The following TRPC3 variants were observed in gnomAD, a reference collection of about 807,000 sequenced individuals.
TRPC3 encodes the protein short transient receptor potential channel 3.
TRPC3 carries 54 observed loss-of-function variants against 90.9 expected under a neutral mutation model. That is an observed-to-expected ratio of 0.59 (90% CI 0.48 to 0.75). TRPC3 has a LOEUF of 0.75. TRPC3 is among the 30% of genes least tolerant of loss of function. The pLI is 0.00. For synonymous variants in TRPC3, 424 were observed against 450.9 expected (o/e 0.94, Z 0.75); for missense variants, 918 against 1,194.5 (o/e 0.77, Z 3.41).
intron 10 of TRPC3, among the ~76,000 whole-genome samples, chr4:121,886,851 G>C (rs1728141122): frequency 6.6e-6 from 1 of 152,158 alleles, no homozygotes; most frequent in South Asian, 2.1e-4. Flanking sequence ...TCTGGGCCAA[G>C]TTTAAGGACT....
intron 10 of TRPC3, among the ~76,000 whole-genome samples, chr4:121,883,505 C>T (rs1435060741): frequency 2.6e-5 from 4 of 151,920 alleles, no homozygotes; most frequent in Non-Finnish European, 4.4e-5. Flanking sequence ...GAAATGGAAA[C>T]GTGAAGGGTC....
chr4:121,922,782 A>G (rs901747689), intron 3 of TRPC3, among the ~76,000 whole-genome samples: 20 of 152,352 alleles, frequency 1.3e-4, no homozygotes, highest in Middle Eastern at 6.8e-3. Flanking sequence ...TTTACTATCA[A>G]TCTTGCTCAA....
At chr4:121,943,167 C>A (rs1292377908) in intron 1 of TRPC3, among the ~76,000 whole-genome samples, 1 of 137,156 alleles carries the variant, frequency 7.3e-6, no homozygotes, top group East Asian at 2.2e-4. Flanking sequence ...TCACTGAAGA[C>A]CTAAGGAACA....
intron 1 of TRPC3, among the ~76,000 whole-genome samples, chr4:121,943,645 G>T (rs1409392028): frequency 6.6e-6 from 1 of 152,000 alleles, no homozygotes; most frequent in Non-Finnish European, 1.5e-5. Flanking sequence ...CAGACAAAAT[G>T]ACCATAGATA....
At chr4:121,895,698 C>T (rs72919940) in intron 10 of TRPC3, among the ~76,000 whole-genome samples, 1 of 151,846 alleles carries the variant, frequency 6.6e-6, no homozygotes, top group Non-Finnish European at 1.5e-5. Context: ...GTGCATAAAA[C>T]ATCTCCCAAA....
chr4:121,921,014 T>TC (rs1729482349), intron 3 of TRPC3, among the ~76,000 whole-genome samples: 1 of 152,238 alleles, frequency 6.6e-6, no homozygotes, highest in Non-Finnish European at 1.5e-5. Context: ...GAAAGTCCTT[T>TC]CCAACATAAA....
Position 121,951,812 on chromosome 4 carries a change from A to G in TRPC3, c.-132T>C. 1.5e-6 allele frequency: 1 copy of G among 663,456 alleles called. No individual in the cohort carries two copies. Among genetic ancestry groups the G allele is most frequent in the Middle Eastern group, 4.8e-4 (1 of 2,076 alleles). The allele number at this position is 663,456 out of a possible 1,614,324, so 41.1% of individuals were successfully genotyped here. On this transcript the variant is annotated 5_prime_UTR_variant, in exon 1 of 12. Coordinates refer to ENST00000379645, the MANE Select transcript of TRPC3 (RefSeq NM_001130698.2). This position sits in a 1 kb window ranked among gnomAD's most constrained non-coding sequence, Gnocchi z 4.4. ...GGGGCCCCGGGCGGCCCAGGGCGGGAAGGCAGGAGCGGAGAGCGTCGCGGC... is the reference window on the plus strand; with the variant it reads ...GGGGCCCCGGGCGGCCCAGGGCGGGGAGGCAGGAGCGGAGAGCGTCGCGGC...
At chr4:121,910,592 C>T (rs908881245) in intron 5 of TRPC3, among the ~76,000 whole-genome samples, 12 of 152,120 alleles carry the variant, frequency 7.9e-5, no homozygotes, top group Admixed American at 7.9e-4. Flanking sequence ...AAATAATTCA[C>T]CCCACCACAC....
intron 2 of TRPC3, among the ~76,000 whole-genome samples, chr4:121,929,608 C>A (rs375733406): frequency 6.6e-6 from 1 of 152,104 alleles, no homozygotes; most frequent in African/African-American, 2.4e-5. Context: ...ACCGAGCTAT[C>A]CTCCATTAAT....
At chr4:121,914,053 T>TA (rs1218815184) in intron 4 of TRPC3, among the ~76,000 whole-genome samples, 5 of 152,222 alleles carry the variant, frequency 3.3e-5, no homozygotes, top group Non-Finnish European at 7.3e-5. Flanking sequence ...GTGCCTGTAA[T>TA]AACTGGCATG....
rs559824651 is a variant in TRPC3, at chr4:121,877,665, A to G, written c.*2071T>C. On this transcript the variant is annotated 3_prime_UTR_variant, in exon 12 of 12. Transcript: ENST00000379645. Reference sequence around the variant, plus strand: ...TCATCACACCTTCTTCTGAAACAACACCTTGAAATGATGAATAAGGAAAAA... The same window carrying G: ...TCATCACACCTTCTTCTGAAACAACGCCTTGAAATGATGAATAAGGAAAAA... Among the ~76,000 whole-genome samples the G allele has an allele frequency of 2.6e-5, 4 of 152,028 alleles. No homozygotes were observed. The South Asian group carries it at 8.3e-4, about 32-fold the overall frequency.
In TRPC3 at chr4:121,951,248, C is replaced by G. The variant is rs1445307017; in HGVS notation, c.215+218G>C. Among the ~76,000 whole-genome samples, 1 of 152,152 alleles carries G rather than the reference C, an allele frequency of 6.6e-6. No homozygotes were observed. Among genetic ancestry groups the G allele is most frequent in the Non-Finnish European group, 1.5e-5 (1 of 68,010 alleles). On this transcript the variant is annotated intron_variant, in intron 1 of 11. Transcript: ENST00000379645. The surrounding 1 kb of genome is among the most constrained non-coding windows in gnomAD (Gnocchi z 4.4). ...GCCTGGACAGAGCCCCTGCCACGCA[C>G]TCGGCAGCCCCTGTGTCCCTCCACC...
At chr4:121,936,769 C>T (rs561849085) in intron 1 of TRPC3, among the ~76,000 whole-genome samples, 1 of 152,256 alleles carries the variant, frequency 6.6e-6, no homozygotes, top group African/African-American at 2.4e-5. Flanking sequence ...CAAGGTACCT[C>T]TCCAGAAACC....
intron 5 of TRPC3, among the ~76,000 whole-genome samples, chr4:121,911,217 T>C (rs1443522438): frequency 1.3e-5 from 2 of 152,194 alleles, no homozygotes; most frequent in Non-Finnish European, 2.9e-5. Flanking sequence ...AAGACTCACA[T>C]TGGATAAAAC....
intron 3 of TRPC3, among the ~76,000 whole-genome samples, chr4:121,916,986 A>AT (rs1438828360): frequency 6.6e-6 from 1 of 152,150 alleles, no homozygotes; most frequent in Non-Finnish European, 1.5e-5. Flanking sequence ...AAGTGCTGGG[A>AT]TTACAGGCAT....
At chr4:121,940,756 A>G (rs932867032) in intron 1 of TRPC3, among the ~76,000 whole-genome samples, 1 of 152,218 alleles carries the variant, frequency 6.6e-6, no homozygotes, top group Non-Finnish European at 1.5e-5. Flanking sequence ...ACTCATAAAT[A>G]TAGACACTTA....
Position 121,882,409 on chromosome 4 carries a change from T to C in TRPC3, c.2568A>G (p.Ile856Met). The C allele has an allele frequency of 6.2e-7, 1 of 1,610,634 alleles. No individual in the cohort carries two copies. Among genetic ancestry groups the C allele is most frequent in the Non-Finnish European group, 8.5e-7 (1 of 1,178,668 alleles). The change falls in exon 11 of 12, where the codon ATA (isoleucine) becomes ATG (methionine). Residue 856 changes from isoleucine (I) to methionine (M), a missense_variant. Physicochemically the swap from Ile to Met is conservative, Grantham distance 10. This residue lies in a region of TRPC3 where 121 missense variants were observed against 135.7 expected (regional missense o/e 0.89). Transcript: ENST00000379645. Reference protein sequence around the residue: ...TRYQQIMKRLIKRYVLKAQVD... With the variant: ...TRYQQIMKRLMKRYVLKAQVD... ...CTTGTGCTTTCAAAACATACCGCTT[T>C]ATAAGTCTTTTCATTATCTGCTGTT...
Position 121,932,198 on chromosome 4 carries a change from G to A in TRPC3, c.987+73C>T. Reference sequence around the variant, plus strand: ...AAAACCGAATGTGGAGCGAACGGTGGCAGAGCAGGCCAGGCAGCAGCGGGG... The same window carrying A: ...AAAACCGAATGTGGAGCGAACGGTGACAGAGCAGGCCAGGCAGCAGCGGGG... On this transcript the variant is annotated intron_variant, in intron 2 of 11. Coordinates refer to ENST00000379645, the MANE Select transcript of TRPC3 (RefSeq NM_001130698.2). This position sits in a 1 kb window ranked among gnomAD's most constrained non-coding sequence, Gnocchi z 7.7. 1 of 1,564,536 alleles carries A rather than the reference G, an allele frequency of 6.4e-7. No individual in the cohort carries two copies. Among genetic ancestry groups the A allele is most frequent in the Non-Finnish European group, 8.7e-7 (1 of 1,154,162 alleles).
rs529532747 is a variant in TRPC3, at chr4:121,910,531, A to G, written c.1559-144T>C. 4.5e-5 allele frequency: 30 copies of G among 667,236 alleles called. No individual in the cohort carries two copies. In the African/African-American group the frequency reaches 5.4e-4, roughly 12 times the overall value. The allele number at this position is 667,236 out of a possible 1,614,324, so 41.3% of individuals were successfully genotyped here. A position where few individuals can be genotyped will look rare whatever the true frequency, so the allele number is the denominator to read the frequency against. The stretch of plus-strand genomic sequence containing the variant: ...CACAAAGCATTGACTGACTGACTGT[A>G]TGGTCACTGAGGCCCTGTGCAGAGT... On this transcript the variant is annotated intron_variant, in intron 5 of 11. Coordinates refer to ENST00000379645, the MANE Select transcript of TRPC3 (RefSeq NM_001130698.2).
Sources: allele counts gnomAD v4.1 joint callset (sites outside exome capture counted in the v4.1 genomes callset), GRCh38; gene constraint gnomAD v4.1.1; regional missense constraint gnomAD v4.1.1; non-coding constraint Gnocchi (gnomAD v3.1); transcripts MANE v1.5; gene names NCBI Gene and HGNC (gene_info 2026-07-23, HGNC 2026-07-21).